Variants in CLCC1 observed in about 807,000 individuals in gnomAD.
CLCC1 encodes the protein chloride channel CLIC-like protein 1.
CLCC1 carries 39 observed loss-of-function variants against 63.3 expected under a neutral mutation model. That is an observed-to-expected ratio of 0.62 (90% CI 0.48 to 0.81). The LOEUF (loss-of-function observed/expected upper bound fraction) is 0.81, where lower values mean the gene tolerates loss of function less well. Ranked by LOEUF, CLCC1 falls within the 30% of genes least tolerant of loss-of-function variation. The pLI, the probability that CLCC1 is intolerant of heterozygous loss-of-function variation, is 0.00. For missense variants in CLCC1, 549 were observed against 669.4 expected, an observed-to-expected ratio of 0.82 and a Z score of 1.98; for synonymous variants, 217 against 239.8, an observed-to-expected ratio of 0.90 and a Z score of 0.88.
intron 2 of CLCC1, among the ~76,000 whole-genome samples, chr1:108,961,506 T>C (rs1303048777): frequency 6.6e-6 from 1 of 152,220 alleles, no homozygotes; most frequent in African/African-American, 2.4e-5. Context: ...CTACTATTTT[T>C]ACCATTTCTC....
At chr1:108,938,545 CTT>C (rs1653347923) in intron 10 of CLCC1, among the ~76,000 whole-genome samples, 1 of 152,190 alleles carries the variant, frequency 6.6e-6, no homozygotes, top group Non-Finnish European at 1.5e-5. Context: ...CATCTGAGTT[CTT>C]TTTGTTTTAT....
intron 11 of CLCC1, among the ~76,000 whole-genome samples, chr1:108,935,919 G>C (rs1298405026): frequency 2.6e-5 from 4 of 152,092 alleles, no homozygotes; most frequent in Non-Finnish European, 4.4e-5. Flanking sequence ...AGGGAGAAGA[G>C]GTGACCAGAG....
Position 108,929,976 on chromosome 1 carries a change from G to T in CLCC1, c.*2571C>A, listed in dbSNP as rs1044555441. 5.7e-6 allele frequency: 9 copies of T among 1,584,556 alleles called. No homozygotes were observed. The highest frequency in any genetic ancestry group is 7.8e-6 in the Non-Finnish European group (9 of 1,154,994). On this transcript the variant is annotated 3_prime_UTR_variant, in exon 13 of 13. Transcript: ENST00000369969. ...TTTATTTTTTTTCCTTTCAAACACGGTAAGGAAACAATCTATTACTTTTTT... is the reference window on the plus strand; with the variant it reads ...TTTATTTTTTTTCCTTTCAAACACGTTAAGGAAACAATCTATTACTTTTTT...
intron 5 of CLCC1, 72 bp downstream of exon 5, chr1:108,947,539 C>A (rs1421285826): frequency 3.3e-6 from 3 of 895,738 alleles, no homozygotes; most frequent in African/African-American, 1.7e-5. Context: ...GCTTTCACTT[C>A]TTCATATTAT....
chr1:108,951,990 C>T (rs1655238634), intron 2 of CLCC1, among the ~76,000 whole-genome samples: 1 of 152,066 alleles, frequency 6.6e-6, no homozygotes, highest in South Asian at 2.1e-4. Flanking sequence ...ATTGCCCAGG[C>T]TGGTCTCAAA....
intron 5 of CLCC1, among the ~76,000 whole-genome samples, chr1:108,944,290 C>T (rs1274332159): frequency 3.9e-5 from 6 of 152,058 alleles, no homozygotes; most frequent in Non-Finnish European, 7.4e-5. Context: ...GGCAACAAAG[C>T]GAGACCCCAT....
intron 2 of CLCC1, among the ~76,000 whole-genome samples, chr1:108,961,294 A>AAAAC (rs1553223529): frequency 6.6e-6 from 1 of 151,190 alleles, no homozygotes; most frequent in Non-Finnish European, 1.5e-5. Flanking sequence ...TAAAAAAAAA[A>AAAAC]AAAAACGATT....
chr1:108,950,687 T>A (rs1018115612), intron 2 of CLCC1, among the ~76,000 whole-genome samples: 9 of 151,662 alleles, frequency 5.9e-5, no homozygotes, highest in Non-Finnish European at 1.3e-4. Context: ...TTTTTTTTTT[T>A]AATTTTTAGT....
At position 108,929,759 on chromosome 1, in the gene CLCC1, C is replaced by G. The variant is rs774583431; in HGVS notation, c.*2788G>C. 13 of 1,612,858 alleles carry G rather than the reference C, an allele frequency of 8.1e-6. No individual in the cohort carries two copies. The highest frequency in any genetic ancestry group is 1.1e-5 in the Non-Finnish European group (13 of 1,178,978). On this transcript the variant is annotated 3_prime_UTR_variant, in exon 13 of 13. Transcript: ENST00000369969. ...CCACCTGCTACCACAAAGGGTCCGA[C>G]AGTACCAGATGAAGACTTTTTCAGC...
intron 5 of CLCC1, among the ~76,000 whole-genome samples, chr1:108,945,734 C>A (rs1415022602): frequency 1.3e-5 from 2 of 152,144 alleles, no homozygotes. Flanking sequence ...CAAAGAGCAA[C>A]AAAATAATGG....
At chr1:108,944,760 G>A (rs1409534631) in intron 5 of CLCC1, among the ~76,000 whole-genome samples, 1 of 151,882 alleles carries the variant, frequency 6.6e-6, no homozygotes, top group East Asian at 1.9e-4. Flanking sequence ...CTCCCATGTA[G>A]CTGGGACTAC....
At chr1:108,948,254 G>A (rs929174587) in intron 4 of CLCC1, among the ~76,000 whole-genome samples, 22 of 152,168 alleles carry the variant, frequency 1.4e-4, no homozygotes, top group African/African-American at 5.3e-4. Flanking sequence ...ATCATCCCAT[G>A]CTGTATGGAA....
At chr1:108,938,640 AT>A (rs1396812964) in intron 10 of CLCC1, among the ~76,000 whole-genome samples, 1 of 152,156 alleles carries the variant, frequency 6.6e-6, no homozygotes, top group Non-Finnish European at 1.5e-5. Flanking sequence ...GACGAGTAAT[AT>A]TTCTTCTTAA....
At position 108,929,702 on chromosome 1, in the gene CLCC1, G is replaced by T; in HGVS notation, c.*2845C>A. Reference sequence around the variant, plus strand: ...TTAATCTCTCTCATAAACTTCTAGGGATCCAGATTAGATGATCAAAGATGT... The same window carrying T: ...TTAATCTCTCTCATAAACTTCTAGGTATCCAGATTAGATGATCAAAGATGT... On this transcript the variant is annotated 3_prime_UTR_variant, in exon 13 of 13. Coordinates refer to ENST00000369969, the MANE Select transcript of CLCC1 (RefSeq NM_001377458.1). The T allele has an allele frequency of 6.2e-7, 1 of 1,613,090 alleles. No individual in the cohort carries two copies. Among genetic ancestry groups the T allele is most frequent in the Non-Finnish European group, 8.5e-7 (1 of 1,179,254 alleles).
intron 1 of CLCC1, among the ~76,000 whole-genome samples, chr1:108,962,846 G>C (rs1432048576): frequency 6.6e-6 from 1 of 150,924 alleles, no homozygotes; most frequent in African/African-American, 2.4e-5. Flanking sequence ...ACTCCAGCCT[G>C]GGTGACACAG....
In CLCC1 at chr1:108,934,978, G is replaced by A. The variant is rs772441517; in HGVS notation, c.1384-36C>T. 16 of 1,545,280 alleles carry A rather than the reference G, an allele frequency of 1.0e-5. No homozygotes were observed. The Admixed American group carries it at 1.7e-4, about 17-fold the overall frequency. On this transcript the variant is annotated intron_variant, in intron 11 of 12. Coordinates refer to ENST00000369969, the MANE Select transcript of CLCC1 (RefSeq NM_001377458.1). Reference sequence around the variant, plus strand: ...CAAAATTACATTTTAACTGTTTAATGTAATGTGAAGTCTTAGTAATCAAAC... The same window carrying A: ...CAAAATTACATTTTAACTGTTTAATATAATGTGAAGTCTTAGTAATCAAAC...
rs1434981532 is a variant in CLCC1, at chr1:108,931,159, T to A, written c.*1388A>T. 1 of 673,548 alleles carries A rather than the reference T, an allele frequency of 1.5e-6. No individual in the cohort carries two copies. Among genetic ancestry groups the A allele is most frequent in the African/African-American group, 1.8e-5 (1 of 54,210 alleles). The allele number at this position is 673,548 out of a possible 1,614,324, so 41.7% of individuals were successfully genotyped here. On this transcript the variant is annotated 3_prime_UTR_variant, in exon 13 of 13. Transcript: ENST00000369969. ...TAAAACAAACTTTTCTAAGTTCTAA[T>A]ATAAAAACAAAAAACAAAACCCATG...
intron 2 of CLCC1, among the ~76,000 whole-genome samples, chr1:108,951,120 A>G (rs1655125672): frequency 6.6e-6 from 1 of 152,208 alleles, no homozygotes; most frequent in Non-Finnish European, 1.5e-5. Context: ...AATTTCCATC[A>G]ACAGGGCCAG....
At chr1:108,946,025 C>T (rs1485085576) in intron 5 of CLCC1, among the ~76,000 whole-genome samples, 2 of 151,580 alleles carry the variant, frequency 1.3e-5, no homozygotes, top group African/African-American at 2.4e-5. Flanking sequence ...ATTAGCCAGA[C>T]GTGGCCGGGC....
Sources: allele counts gnomAD v4.1 joint callset (sites outside exome capture counted in the v4.1 genomes callset), GRCh38; gene constraint gnomAD v4.1.1; transcripts MANE v1.5; gene names NCBI Gene and HGNC (gene_info 2026-07-23, HGNC 2026-07-21).